The following CAMK2D variants were observed in gnomAD, a reference collection of about 807,000 sequenced individuals.
CAMK2D encodes calcium/calmodulin dependent protein kinase II delta.
In CAMK2D, 37 loss-of-function variants were observed where a neutral mutation model predicts 84.0. The ratio of observed to expected loss-of-function variants is 0.44; its 90% CI spans 0.34 to 0.58. CAMK2D has a LOEUF of 0.58. Among genes scored for constraint, CAMK2D ranks in the 20% least tolerant of loss-of-function variants. CAMK2D has a pLI of 0.02. For missense variants in CAMK2D, 448 were observed against 652.5 expected, an observed-to-expected ratio of 0.69 and a Z score of 3.41; for synonymous variants, 202 against 212.5, an observed-to-expected ratio of 0.95 and a Z score of 0.43.
chr4:113,631,780 C>A (rs902975727), intron 3 of CAMK2D, among the ~76,000 whole-genome samples: 17 of 152,132 alleles, frequency 1.1e-4, no homozygotes, highest in African/African-American at 4.1e-4. Flanking sequence ...GCAACAGAAC[C>A]TGAAAATTAA....
intron 12 of CAMK2D, 136 bp from the exon 13 acceptor site, chr4:113,509,811 A>G: frequency 1.5e-6 from 1 of 654,040 alleles, no homozygotes; most frequent in South Asian, 1.8e-5. Flanking sequence ...TATCAAAGTC[A>G]CACTGATGAA....
intron 2 of CAMK2D, among the ~76,000 whole-genome samples, chr4:113,727,706 C>T (rs1470935032): frequency 6.6e-6 from 1 of 152,082 alleles, no homozygotes. Flanking sequence ...TCAAAAAACA[C>T]ACTACTAGAG....
At chr4:113,503,787 G>A (rs2098089079) in intron 14 of CAMK2D, among the ~76,000 whole-genome samples, 1 of 152,126 alleles carries the variant, frequency 6.6e-6, no homozygotes, top group South Asian at 2.1e-4. Flanking sequence ...ATATTCCCAA[G>A]TGGAGAATAA....
intron 3 of CAMK2D, among the ~76,000 whole-genome samples, chr4:113,655,468 C>A (rs2099195221): frequency 6.6e-6 from 1 of 152,024 alleles, no homozygotes; most frequent in Admixed American, 6.6e-5. Context: ...GGTTACATAG[C>A]TCTTCCATTT....
intron 4 of CAMK2D, among the ~76,000 whole-genome samples, chr4:113,596,593 T>C (rs1419179957): frequency 2.0e-5 from 3 of 152,176 alleles, no homozygotes; most frequent in Admixed American, 2.0e-4. Flanking sequence ...AACAATCATC[T>C]CTTTGTACAT....
At chr4:113,627,591 A>G (rs2099073228) in intron 3 of CAMK2D, among the ~76,000 whole-genome samples, 1 of 152,212 alleles carries the variant, frequency 6.6e-6, no homozygotes. Context: ...CTTATCTAAC[A>G]CACAGATATT....
Position 113,547,731 on chromosome 4 carries a change from C to T in CAMK2D, c.342-15G>A. The stretch of plus-strand genomic sequence containing the variant: ...GAATGCAATGACTGCATGCAAACAC[C>T]AGGGGGCGTGTGTTAGTTCCAAGCT... On this transcript the variant is annotated splice_polypyrimidine_tract_variant and intron_variant, in intron 5 of 20. Transcript: ENST00000511664. The T allele has an allele frequency of 6.5e-7, 1 of 1,527,298 alleles. No homozygotes were observed. The highest frequency in any genetic ancestry group is 8.8e-7 in the Non-Finnish European group (1 of 1,137,022). 94.6% of individuals were successfully genotyped at this position (1,527,298 alleles called of 1,614,324 possible). A position where few individuals can be genotyped will look rare whatever the true frequency, so the allele number is the denominator to read the frequency against.
At chr4:113,729,426 G>C (rs1296598853) in intron 2 of CAMK2D, among the ~76,000 whole-genome samples, 2 of 152,104 alleles carry the variant, frequency 1.3e-5, no homozygotes, top group Non-Finnish European at 2.9e-5. Flanking sequence ...GAACTACACT[G>C]GGCCTTTCCT....
intron 2 of CAMK2D, among the ~76,000 whole-genome samples, chr4:113,685,685 A>C (rs979583750): frequency 2.6e-5 from 4 of 152,226 alleles, no homozygotes; most frequent in Non-Finnish European, 5.9e-5. Flanking sequence ...TGTCAATGTA[A>C]TTAATTGATG....
At chr4:113,525,366 AT>A (rs2098408584) in intron 8 of CAMK2D, among the ~76,000 whole-genome samples, 1 of 152,186 alleles carries the variant, frequency 6.6e-6, no homozygotes, top group Non-Finnish European at 1.5e-5. Context: ...TCTGTTAGAA[AT>A]TTGTGATCCA....
intron 4 of CAMK2D, among the ~76,000 whole-genome samples, chr4:113,597,937 C>G (rs2098934690): frequency 6.6e-6 from 1 of 152,112 alleles, no homozygotes; most frequent in South Asian, 2.1e-4. Context: ...AATGGCCAGT[C>G]AGTGGGGGCA....
At chr4:113,657,235 T>C (rs775222975) in intron 3 of CAMK2D, among the ~76,000 whole-genome samples, 7 of 152,152 alleles carry the variant, frequency 4.6e-5, no homozygotes, top group Non-Finnish European at 7.4e-5. Context: ...TTTTTGATAG[T>C]AGCCACCCGG....
chr4:113,542,705 A>C (rs183778827), intron 6 of CAMK2D, among the ~76,000 whole-genome samples: 8 of 140,920 alleles, frequency 5.7e-5, no homozygotes, highest in Admixed American at 1.4e-4. Context: ...ACAGAGCGAG[A>C]TTCCGTCTCA....
At chr4:113,494,959 T>G (rs2097908193) in intron 16 of CAMK2D, among the ~76,000 whole-genome samples, 1 of 152,208 alleles carries the variant, frequency 6.6e-6, no homozygotes, top group African/African-American at 2.4e-5. Flanking sequence ...CCTGACCCCT[T>G]GCGCTTCCCA....
Position 113,661,788 on chromosome 4 carries a change from A to C in CAMK2D, c.161-16T>G, listed in dbSNP as rs1168952096. ...TTCTGATGATCTGTTAAAAAAAAAA[A>C]CAGAATAAGGCAAAAATAAAGCAAA... On this transcript the variant is annotated splice_polypyrimidine_tract_variant and intron_variant, in intron 2 of 20. Transcript: ENST00000511664. 2 of 1,409,396 alleles carry C rather than the reference A, an allele frequency of 1.4e-6. No individual in the cohort carries two copies. Among genetic ancestry groups the C allele is most frequent in the Non-Finnish European group, 1.9e-6 (2 of 1,034,784 alleles). The allele number at this position is 1,409,396 out of a possible 1,614,324, so 87.3% of individuals were successfully genotyped here.
In CAMK2D at chr4:113,530,742, T is replaced by C. The variant is rs957115103; in HGVS notation, c.601+474A>G. Among the ~76,000 whole-genome samples, 6 of 152,110 alleles carry C rather than the reference T, an allele frequency of 3.9e-5. No individual in the cohort carries two copies. The South Asian group carries it at 8.3e-4, about 21-fold the overall frequency. On this transcript the variant is annotated intron_variant, in intron 8 of 20. Coordinates refer to ENST00000511664, the MANE Select transcript of CAMK2D (RefSeq NM_001321571.2). ...AAGCAGGCCCTCACCAGACACCGAA[T>C]CTCCTGGCACCTTGATTTTGAATTT...
intron 16 of CAMK2D, among the ~76,000 whole-genome samples, chr4:113,468,205 A>C (rs1188720291): frequency 6.6e-6 from 1 of 152,164 alleles, no homozygotes; most frequent in Non-Finnish European, 1.5e-5. Flanking sequence ...CTGTGGAAAT[A>C]CGCATTCACT....
At chr4:113,638,674 A>C (rs72678776) in intron 3 of CAMK2D, among the ~76,000 whole-genome samples, 1 of 152,224 alleles carries the variant, frequency 6.6e-6, no homozygotes, top group Non-Finnish European at 1.5e-5. Context: ...CATTAGGGCT[A>C]TGCTCCTACT....
At chr4:113,690,385 C>T (rs7655534) in intron 2 of CAMK2D, among the ~76,000 whole-genome samples, 151,513 of 152,142 alleles carry the variant, frequency 1, 75,454 homozygotes, top group Non-Finnish European at 1. Flanking sequence ...GGAAGGAGGT[C>T]CCAGGATGTT....
Sources: allele counts gnomAD v4.1 joint callset (sites outside exome capture counted in the v4.1 genomes callset), GRCh38; gene constraint gnomAD v4.1.1; transcripts MANE v1.5; gene names NCBI Gene and HGNC (gene_info 2026-07-23, HGNC 2026-07-21).